PKD1L1: variants seen among roughly 807,000 people sequenced by gnomAD.
The protein encoded by PKD1L1 is polycystin 1 like 1, transient receptor potential channel interacting, also known as polycystin-1-like protein 1.
A neutral mutation model predicts 323.4 loss-of-function variants in PKD1L1; 236 were observed. The ratio of observed to expected loss-of-function variants is 0.73; its 90% CI spans 0.66 to 0.81. The LOEUF (loss-of-function observed/expected upper bound fraction) is 0.81. PKD1L1 is among the 40% of genes least tolerant of loss of function. The probability of loss-of-function intolerance (pLI) is 0.00; values close to 1 mark genes in which losing one functional copy is unlikely to be tolerated. For synonymous variants in PKD1L1, 1,344 were observed against 1,335.0 expected (o/e 1.01, Z -0.15); for missense variants, 3,320 against 3,508.0 (o/e 0.95, Z 1.35).
At chr7:47,834,777 T>G (rs1785421423) in intron 39 of PKD1L1, among the ~76,000 whole-genome samples, 190 bp downstream of exon 39, 1 of 152,222 alleles carries the variant, frequency 6.6e-6, no homozygotes, top group Non-Finnish European at 1.5e-5. Flanking sequence ...AAGGTTCATA[T>G]AAATGTGGGC....
intron 21 of PKD1L1, among the ~76,000 whole-genome samples, chr7:47,880,269 TATATATATATATA>T (rs1365488123): frequency 5.2e-5 from 4 of 76,746 alleles, no homozygotes; most frequent in East Asian, 6.7e-4. Context: ...TATATACATA[TATATATATATATA>T]TATTTTTTTT....
In PKD1L1 at chr7:47,897,998, G is replaced by A. The variant is rs1583657905; in HGVS notation, c.2261C>T (p.Ala754Val). 1.9e-6 allele frequency: 3 copies of A among 1,609,920 alleles called. No individual in the cohort carries two copies. Among genetic ancestry groups the A allele is most frequent in the East Asian group, 2.2e-5 (1 of 44,808 alleles). ...AGTCAGCCAGCTGACCTTGGCAAGG[G>A]CAGTGTAGTTCCCATACTCCAAGGT... Reference protein sequence around the residue: ...SHTLEYGNYTALAKVQIEGSV... With the variant: ...SHTLEYGNYTVLAKVQIEGSV... Residue 754 changes from alanine to valine, a missense_variant, in exon 14 of 57, where the codon GCC (alanine) becomes GTC (valine). By Grantham distance (64) the Ala-to-Val change is moderately conservative (BLOSUM62 0). Transcript: ENST00000289672.
upstream of PKD1L1, among the ~76,000 whole-genome samples, chr7:47,952,653 A>G (rs1788220817): frequency 1.3e-5 from 2 of 152,236 alleles, no homozygotes; most frequent in South Asian, 2.1e-4. Flanking sequence ...ATATGTGTCA[A>G]TCATCTGTGA....
Position 47,800,795 on chromosome 7 carries a change from T to C in PKD1L1, c.8047A>G (p.Thr2683Ala). The C allele has an allele frequency of 6.2e-7, 1 of 1,613,962 alleles. No individual in the cohort carries two copies. The highest frequency in any genetic ancestry group is 2.2e-5 in the East Asian group (1 of 44,866). ...AACAGCAGCCCGGGGAAGGCGTCTG[T>C]GAAGGTGCCAGGTGGTAGAACCCAC... ...SMWVLPPGTF[T>A]DAFPGLLFHF... The change falls in exon 54 of 57, where the codon ACA becomes GCA. Residue 2683 changes from threonine (T) to alanine (A), a missense_variant. Thr to Ala is a moderately conservative substitution (Grantham distance 58). Transcript: ENST00000289672.
At chr7:47,829,659 C>T in intron 43 of PKD1L1, 58 bp from the exon 44 acceptor site, 1 of 1,493,752 alleles carries the variant, frequency 6.7e-7, no homozygotes, top group Non-Finnish European at 9.0e-7. Context: ...TCATTCCACA[C>T]AGAGCTGTCC....
upstream of PKD1L1, among the ~76,000 whole-genome samples, chr7:47,952,289 G>A (rs542287533): frequency 3.9e-5 from 6 of 152,286 alleles, no homozygotes; most frequent in Non-Finnish European, 7.4e-5. Flanking sequence ...AGGAGAGCAG[G>A]GGCAAGGCTG....
intron 14 of PKD1L1, among the ~76,000 whole-genome samples, chr7:47,894,956 G>A (rs988920811): frequency 6.6e-6 from 1 of 152,082 alleles, no homozygotes; most frequent in Non-Finnish European, 1.5e-5. Context: ...TTCTTCAGAT[G>A]CACACAGTTC....
chr7:47,827,731 G>A (rs1665804655), intron 44 of PKD1L1, among the ~76,000 whole-genome samples: 1 of 152,178 alleles, frequency 6.6e-6, no homozygotes, highest in South Asian at 2.1e-4. Flanking sequence ...CTATTACAAA[G>A]AGCTGCTGTA....
Position 47,845,024 on chromosome 7 carries a change from A to G in PKD1L1, c.5208T>C (p.Phe1736=). ...ALLRRKLKAS[F]EVSDISKLQS... ...GTAGCTTGGAAATGTCACTCACTTC[A>G]AAACTGGCCTTCAGCTTTCTCCTTA... The change falls in exon 33 of 57, where the codon TTT becomes TTC. Residue 1736 remains phenylalanine, a synonymous_variant. Transcript: ENST00000289672. The G allele has an allele frequency of 6.2e-7, 1 of 1,614,036 alleles. No individual in the cohort carries two copies. The highest frequency in any genetic ancestry group is 8.5e-7 in the Non-Finnish European group (1 of 1,179,990).
chr7:47,812,132 CATGCTGGGAACACCCT>C (rs1479978052), intron 49 of PKD1L1, 81 bp from the exon 50 acceptor site: 6 of 1,188,038 alleles, frequency 5.1e-6, no homozygotes, highest in Admixed American at 2.0e-5. Flanking sequence ...CTGCAGGTCC[CATGCTGGGAACACCCT>C]ATGCTAGACT....
Position 47,855,588 on chromosome 7 carries a change from A to G in PKD1L1, c.4591-323T>C, listed in dbSNP as rs1279835466. 1.4e-5 allele frequency among the ~76,000 whole-genome samples: 2 copies of G among 142,842 alleles called. 1 individual carries two copies. Among genetic ancestry groups the G allele is most frequent in the Non-Finnish European group, 3.0e-5 (2 of 66,014 alleles). 93.7% of individuals were successfully genotyped at this position (142,842 alleles called of 152,430 possible). Reference sequence around the variant, plus strand: ...AGGAAGGTATAGAAAAGTATATGCAAGAGTGGGGCCGGGCGCGGTGGCTCA... The same window carrying G: ...AGGAAGGTATAGAAAAGTATATGCAGGAGTGGGGCCGGGCGCGGTGGCTCA... On this transcript the variant is annotated intron_variant, in intron 28 of 56. Coordinates refer to ENST00000289672, the MANE Select transcript of PKD1L1 (RefSeq NM_138295.5).
intron 7 of PKD1L1, among the ~76,000 whole-genome samples, chr7:47,918,812 C>T (rs1287368158): frequency 6.6e-6 from 1 of 152,010 alleles, no homozygotes; most frequent in Non-Finnish European, 1.5e-5. Context: ...AAAAATTCTT[C>T]AAACTGAACC....
chr7:47,777,097 G>A (rs1327668022), intron 56 of PKD1L1, among the ~76,000 whole-genome samples: 1 of 152,088 alleles, frequency 6.6e-6, no homozygotes, highest in Non-Finnish European at 1.5e-5. Context: ...TTGCCATGTT[G>A]GCCAGGCCGG....
At chr7:47,951,331 T>C (rs1304967852), upstream of PKD1L1, among the ~76,000 whole-genome samples, 1 of 152,192 alleles carries the variant, frequency 6.6e-6, no homozygotes, top group African/African-American at 2.4e-5. Flanking sequence ...TGGGAGGTCT[T>C]TCCCTTTGTC....
intron 7 of PKD1L1, among the ~76,000 whole-genome samples, chr7:47,916,046 C>T (rs1787423120): frequency 6.6e-6 from 1 of 152,128 alleles, no homozygotes; most frequent in African/African-American, 2.4e-5. Flanking sequence ...ATTTCCGATG[C>T]TATTCAAACT....
upstream of PKD1L1, among the ~76,000 whole-genome samples, chr7:47,949,161 G>A (rs1247792949): frequency 6.7e-6 from 1 of 149,684 alleles, no homozygotes; most frequent in Non-Finnish European, 1.5e-5. Flanking sequence ...ACGAGGTCAG[G>A]AGCTCGAGAC....
At chr7:47,811,087 C>A (rs1200670203) in intron 50 of PKD1L1, among the ~76,000 whole-genome samples, 1 of 152,124 alleles carries the variant, frequency 6.6e-6, no homozygotes, top group Non-Finnish European at 1.5e-5. Flanking sequence ...CTCGCCAGAA[C>A]CTCACCAGGC....
chr7:47,875,108 C>T (rs746900212), intron 23 of PKD1L1, among the ~76,000 whole-genome samples: 5 of 152,198 alleles, frequency 3.3e-5, no homozygotes, highest in South Asian at 2.1e-4. Flanking sequence ...TAACCCCGTA[C>T]GCAGCTTGAC....
Position 47,816,211 on chromosome 7 carries a change from T to C in PKD1L1, c.6966-754A>G, listed in dbSNP as rs1057140676. 4.6e-5 allele frequency among the ~76,000 whole-genome samples: 7 copies of C among 152,254 alleles called. No homozygotes were observed. The South Asian group carries it at 1.0e-3, about 23-fold the overall frequency. On this transcript the variant is annotated intron_variant, in intron 46 of 56. Transcript: ENST00000289672. ...CCTGTGAGTGGCAGATGTGAAGACA[T>C]AGATGAAGTGCAGTGTTGGCACAAA... is the stretch of plus-strand genomic sequence containing the variant.
Sources: gnomAD v4.1 joint callset for allele counts (sites outside exome capture counted in the v4.1 genomes callset) on GRCh38, gnomAD v4.1.1 for gene constraint, MANE v1.5 for transcripts, NCBI Gene and HGNC (gene_info 2026-07-23, HGNC 2026-07-21) for gene names.